DIPK2B: variants seen among roughly 807,000 people sequenced by gnomAD.
DIPK2B encodes UPF0672 protein CXorf36.
In DIPK2B, 15 loss-of-function variants were observed where a neutral mutation model predicts 22.2. The ratio of observed to expected loss-of-function variants is 0.68; its 90% confidence interval spans 0.45 to 1.04. The LOEUF is 1.04. Among genes scored for constraint, DIPK2B ranks in the 50% least tolerant of loss-of-function variants. The probability of loss-of-function intolerance (pLI) is 0.00; values close to 1 mark genes in which losing one functional copy is unlikely to be tolerated. For synonymous variants in DIPK2B, 163 were observed against 153.2 expected (o/e 1.06, Z -0.47); for missense variants, 345 against 348.3 (o/e 0.99, Z 0.08).
chrX:45,183,353 C>T (rs142877840), intron 2 of DIPK2B: 7 of 111,722 alleles, frequency 6.3e-5, no homozygotes, highest in African/African-American at 1.9e-4. Flanking sequence ...GAGTGAGTTC[C>T]CCAGCCTGAG....
rs371054738 is a variant in DIPK2B at position 45,191,975 on chromosome X, C to A, written c.274G>T (p.Asp92Tyr). The change falls in exon 2 of 5, where the codon GAT becomes TAT. Residue 92 changes from aspartate to tyrosine, a missense_variant. Physicochemically the swap from Asp to Tyr is radical, Grantham distance 160 (BLOSUM62 -3). Transcript: ENST00000398000. ...WLASHLGLPP[D>Y]SLLSYPANYS... The stretch of plus-strand genomic sequence containing the variant: ...TTTGCAGGATAAGAAAGCAAGGAAT[C>A]GGGAGGCAGTCCAAGGTGGGAAGCC... The A allele has an allele frequency of 4.1e-6, 5 of 1,209,478 alleles. No homozygotes were observed. The South Asian group carries it at 7.1e-5, about 17-fold the overall frequency.
chrX:45,158,240 C>T (rs2047005919), intron 2 of DIPK2B, among the ~76,000 whole-genome samples: 1 of 109,749 alleles, frequency 9.1e-6, no homozygotes, highest in Non-Finnish European at 1.9e-5. Flanking sequence ...CTCTCTTGGG[C>T]AGCACGGCAG....
At chrX:45,178,397 A>G (rs4425877) in intron 2 of DIPK2B, among the ~76,000 whole-genome samples, 45,608 of 109,955 alleles carry the variant, frequency 0.41, 7,811 homozygotes, top group African/African-American at 0.66. Flanking sequence ...GGTTCTGGCC[A>G]TGACAGAATA....
chrX:45,199,029 C>G (rs2047254340), intron 1 of DIPK2B, among the ~76,000 whole-genome samples: 1 of 111,420 alleles, frequency 9.0e-6, no homozygotes, highest in Non-Finnish European at 1.9e-5. Context: ...TCATGTTGCC[C>G]CTCCCCAGCC....
At chrX:45,158,171 A>C (rs2047005642) in intron 2 of DIPK2B, among the ~76,000 whole-genome samples, 1 of 107,196 alleles carries the variant, frequency 9.3e-6, no homozygotes, top group Non-Finnish European at 1.9e-5. Flanking sequence ...CCCCTCCCCC[A>C]CCACAGGCTA....
chrX:45,191,976 G>C lies in DIPK2B; in HGVS notation c.273C>G (p.Pro91=), dbSNP rs141296501. The part of the protein sequence containing the change: ...NWLASHLGLP[P]DSLLSYPANY... ...TTGCAGGATAAGAAAGCAAGGAATC[G>C]GGAGGCAGTCCAAGGTGGGAAGCCA... The change falls in exon 2 of 5, where the codon CCC becomes CCG. Residue 91 remains proline, a synonymous_variant. Coordinates refer to ENST00000398000, the MANE Select transcript of DIPK2B (RefSeq NM_176819.4). 2 of 1,211,124 alleles carry C rather than the reference G, an allele frequency of 1.7e-6. No homozygotes were observed. Among genetic ancestry groups the C allele is most frequent in the East Asian group, 5.9e-5 (2 of 33,822 alleles).
At chrX:45,165,221 G>A (rs926890541) in intron 2 of DIPK2B, among the ~76,000 whole-genome samples, 3 of 111,622 alleles carry the variant, frequency 2.7e-5, no homozygotes, top group African/African-American at 9.8e-5. Context: ...TGATGGTAAA[G>A]ACAGTTGGTA....
chrX:45,163,119 G>A (rs2047030403), intron 2 of DIPK2B: 1 of 231,866 alleles, frequency 4.3e-6, no homozygotes, highest in African/African-American at 3.0e-5. Context: ...AAGTAAAAGA[G>A]ATTATCTAGG....
intron 2 of DIPK2B, among the ~76,000 whole-genome samples, chrX:45,177,064 G>A (rs2047122826): frequency 2.7e-5 from 3 of 110,615 alleles, no homozygotes; most frequent in African/African-American, 6.6e-5. Flanking sequence ...TTGGGAGGCC[G>A]AGGTGGGAGG....
At chrX:45,157,962 G>T (rs1195721173) in intron 2 of DIPK2B, 74 bp from the exon 3 acceptor site, 1 of 695,284 alleles carries the variant, frequency 1.4e-6, no homozygotes, top group African/African-American at 2.6e-5. Flanking sequence ...TTAGCAGGAG[G>T]GGGAATGGGC....
At chrX:45,185,653 C>CTTTTTT (rs147218566) in intron 2 of DIPK2B, among the ~76,000 whole-genome samples, 11 of 86,449 alleles carry the variant, frequency 1.3e-4, no homozygotes, top group Non-Finnish European at 1.8e-4. Flanking sequence ...CTTTTCTTTT[C>CTTTTTT]TTTTTTTTTT....
At chrX:45,194,143 T>C (rs953038553) in intron 1 of DIPK2B, among the ~76,000 whole-genome samples, 1 of 111,976 alleles carries the variant, frequency 8.9e-6, no homozygotes, top group African/African-American at 3.3e-5. Context: ...AGTGATTATG[T>C]CATTTGCCCA....
At chrX:45,180,285 G>A (rs906427920) in intron 2 of DIPK2B, among the ~76,000 whole-genome samples, 1 of 112,096 alleles carries the variant, frequency 8.9e-6, no homozygotes, top group Non-Finnish European at 1.9e-5. Flanking sequence ...AAGGATTCCA[G>A]AAAAGGCTCA....
Position 45,157,946 on chromosome X carries a change from G to T in DIPK2B, c.499-58C>A, listed in dbSNP as rs61423499. 3,592 of 927,674 alleles carry T rather than the reference G, an allele frequency of 3.9e-3. 105 individuals carry two copies. The African/African-American group carries it at 0.069, about 18-fold the overall frequency. The allele number at this position is 927,674 out of a possible 1,213,427, so 76.5% of individuals were successfully genotyped here. ...AGGGGGCGGGGCGCTAAGCTCTTGT[G>T]GGGGGTTAGCAGGAGGGGGAATGGG... On this transcript the variant is annotated intron_variant, in intron 2 of 4. Transcript: ENST00000398000.
chrX:45,153,824 T>C (rs2046974846), intron 4 of DIPK2B, 86 bp downstream of exon 4: 4 of 839,348 alleles, frequency 4.8e-6, no homozygotes, highest in Non-Finnish European at 6.8e-6. Context: ...AAAGGCCCAA[T>C]AGCATGACCC....
intron 4 of DIPK2B, among the ~76,000 whole-genome samples, chrX:45,152,268 G>A (rs749993201): frequency 2.7e-5 from 3 of 111,132 alleles, no homozygotes; most frequent in South Asian, 7.8e-4. Flanking sequence ...TGAGGCTGGA[G>A]AATCGCTTGA....
At chrX:45,194,390 C>T (rs1278894294) in intron 1 of DIPK2B, among the ~76,000 whole-genome samples, 7 of 110,917 alleles carry the variant, frequency 6.3e-5, no homozygotes, top group Non-Finnish European at 1.3e-4. Context: ...GCTGGGATTA[C>T]AGGCACACGC....
intron 2 of DIPK2B, among the ~76,000 whole-genome samples, chrX:45,190,592 A>T (rs1457796121): frequency 8.9e-6 from 1 of 112,156 alleles, no homozygotes. Flanking sequence ...AGGATGTTGC[A>T]GCACAGTTGA....
intron 2 of DIPK2B, among the ~76,000 whole-genome samples, chrX:45,190,374 A>G (rs1437652925): frequency 8.9e-6 from 1 of 111,806 alleles, no homozygotes; most frequent in African/African-American, 3.3e-5. Flanking sequence ...GGAATGTCAG[A>G]GCAGATTGGG....
Sources: allele counts gnomAD v4.1 joint callset (sites outside exome capture counted in the v4.1 genomes callset), GRCh38; gene constraint gnomAD v4.1.1; transcripts MANE v1.5; gene names NCBI Gene and HGNC (gene_info 2026-07-23, HGNC 2026-07-21).